Variants in KIFAP3 observed in about 807,000 individuals in gnomAD.
The protein encoded by KIFAP3 is kinesin-associated protein 3.
In KIFAP3, 68 loss-of-function variants were observed where a neutral mutation model predicts 106.5. That is an observed-to-expected ratio of 0.64 (90% confidence interval 0.53 to 0.78). KIFAP3 has a LOEUF of 0.78. Ranked by LOEUF, KIFAP3 falls within the 30% of genes least tolerant of loss-of-function variation. The pLI is 0.00. For synonymous variants in KIFAP3, 320 were observed against 311.5 expected, an observed-to-expected ratio of 1.03 and a Z score of -0.29; for missense variants, 780 against 941.8, an observed-to-expected ratio of 0.83 and a Z score of 2.25.
In KIFAP3 at chr1:170,046,827, A is replaced by G; in HGVS notation, c.204T>C (p.Thr68=). 1 of 1,610,432 alleles carries G rather than the reference A, an allele frequency of 6.2e-7. No individual in the cohort carries two copies. Among genetic ancestry groups the G allele is most frequent in the African/African-American group, 1.3e-5 (1 of 74,896 alleles). Residue 68 remains threonine (T), a synonymous_variant, in exon 3 of 20, where the codon ACT becomes ACC. Coordinates refer to ENST00000361580, the MANE Select transcript of KIFAP3 (RefSeq NM_014970.4). ...LKSLNANTDI[T]SLARKVVEEC... ...CTTCAACCACCTTCCTTGCCAGGGA[A>G]GTTATATCTGTGTTGGCATTGAGAC...
rs552354861 is a variant in KIFAP3, at chr1:170,065,509, G to A, written c.32+8927C>T. Among the ~76,000 whole-genome samples, 184 of 151,206 alleles carry A rather than the reference G, an allele frequency of 1.2e-3. 1 individual carries two copies. The highest frequency in any genetic ancestry group is 2.3e-3 in the Non-Finnish European group (156 of 67,844). On this transcript the variant is annotated intron_variant, in intron 1 of 19. Transcript: ENST00000361580. Reference sequence around the variant, plus strand: ...GGCACCTGTAGTCCCAGCTACTTGGGAGGCTGAGGCAGGAGAATGGCGTGA... The same window carrying A: ...GGCACCTGTAGTCCCAGCTACTTGGAAGGCTGAGGCAGGAGAATGGCGTGA...
chr1:169,991,618 T>TA (rs1667111642), intron 11 of KIFAP3, among the ~76,000 whole-genome samples: 1 of 152,182 alleles, frequency 6.6e-6, no homozygotes, highest in African/African-American at 2.4e-5. Flanking sequence ...TCTTTTGACT[T>TA]AGCTATCCTA....
At chr1:169,936,974 T>TATAG (rs1246079502) in intron 19 of KIFAP3, among the ~76,000 whole-genome samples, 1 of 148,828 alleles carries the variant, frequency 6.7e-6, no homozygotes, top group African/African-American at 2.4e-5. Flanking sequence ...TATATATATA[T>TATAG]ATTACTCAAC....
At chr1:170,052,351 A>T (rs931161458) in intron 2 of KIFAP3, among the ~76,000 whole-genome samples, 2 of 152,212 alleles carry the variant, frequency 1.3e-5, no homozygotes, top group African/African-American at 2.4e-5. Context: ...TTAATAGCTT[A>T]CCAACCAAAA....
chr1:170,053,811 C>T (rs1337150814), intron 2 of KIFAP3, among the ~76,000 whole-genome samples: 4 of 152,082 alleles, frequency 2.6e-5, no homozygotes, highest in Admixed American at 2.0e-4. Flanking sequence ...AGAAACTGGA[C>T]CCCTTCCTTA....
intron 1 of KIFAP3, among the ~76,000 whole-genome samples, chr1:170,062,258 CAA>C (rs77586019): frequency 7.4e-6 from 1 of 134,406 alleles, no homozygotes; most frequent in Non-Finnish European, 1.6e-5. Context: ...GGTTAAAGGG[CAA>C]AAAAAAAAAC....
chr1:169,996,316 A>G (rs1348476097), intron 10 of KIFAP3, among the ~76,000 whole-genome samples: 2 of 152,152 alleles, frequency 1.3e-5, no homozygotes, highest in Admixed American at 1.3e-4. Flanking sequence ...AATGATCATC[A>G]TATCCAAAAG....
chr1:169,978,005 C>CAA (rs11396984), intron 16 of KIFAP3, 80 bp downstream of exon 16: 64,052 of 594,268 alleles, frequency 0.11, 84 homozygotes, highest in East Asian at 0.14. Context: ...TCAACATTTG[C>CAA]AAAAAAAAAA....
At chr1:170,023,162 T>C (rs1668938955) in intron 9 of KIFAP3, among the ~76,000 whole-genome samples, 1 of 151,898 alleles carries the variant, frequency 6.6e-6, no homozygotes, top group South Asian at 2.1e-4. Flanking sequence ...CAAAATAATA[T>C]CAGGCACATC....
At chr1:170,022,211 A>C (rs1262995149) in intron 9 of KIFAP3, among the ~76,000 whole-genome samples, 1 of 151,836 alleles carries the variant, frequency 6.6e-6, no homozygotes, top group Non-Finnish European at 1.5e-5. Flanking sequence ...GGCCTCCCAA[A>C]GTTCTGGGAT....
At chr1:169,973,421 T>A (rs1488742295) in intron 16 of KIFAP3, among the ~76,000 whole-genome samples, 4 of 120,038 alleles carry the variant, frequency 3.3e-5, no homozygotes, top group Admixed American at 1.9e-4. Flanking sequence ...CTAAAAACTA[T>A]AATTCAAGAA....
chr1:169,933,797 C>A (rs1180332268), intron 19 of KIFAP3, among the ~76,000 whole-genome samples: 1 of 152,030 alleles, frequency 6.6e-6, no homozygotes, highest in Non-Finnish European at 1.5e-5. Flanking sequence ...AACTTAAGTA[C>A]AAACTATGAA....
intron 3 of KIFAP3, chr1:170,041,546 G>T: frequency 1.6e-6 from 1 of 614,876 alleles, no homozygotes; most frequent in Admixed American, 2.7e-5. Flanking sequence ...GATACCCCTC[G>T]TAGGCATCTG....
intron 9 of KIFAP3, among the ~76,000 whole-genome samples, chr1:170,020,206 G>A (rs1434488036): frequency 6.6e-6 from 1 of 152,054 alleles, no homozygotes; most frequent in African/African-American, 2.4e-5. Context: ...AATCCAATAT[G>A]GTCAATATAT....
At chr1:169,969,719 C>T (rs1197548531) in intron 17 of KIFAP3, among the ~76,000 whole-genome samples, 1 of 151,958 alleles carries the variant, frequency 6.6e-6, no homozygotes, top group African/African-American at 2.4e-5. Context: ...TATCCCTTTT[C>T]CTGTAAACAC....
At chr1:169,983,975 A>G (rs1053036442) in intron 12 of KIFAP3, among the ~76,000 whole-genome samples, 2 of 151,992 alleles carry the variant, frequency 1.3e-5, no homozygotes, top group East Asian at 1.9e-4. Flanking sequence ...ACTTAATCAC[A>G]TAAAATATTA....
chr1:170,068,040 T>C (rs1671531808), intron 1 of KIFAP3: 1 of 152,214 alleles, frequency 6.6e-6, no homozygotes, highest in Non-Finnish European at 1.5e-5. Context: ...CCTGGCTAAG[T>C]GTTGAAGCCA....
chr1:170,027,915 AG>A (rs1480519267), intron 8 of KIFAP3, among the ~76,000 whole-genome samples: 2 of 152,144 alleles, frequency 1.3e-5, no homozygotes, highest in African/African-American at 4.8e-5. Flanking sequence ...TCCAAGAAAA[AG>A]AGACCTTATA....
At chr1:170,037,563 C>T (rs1052066284) in intron 5 of KIFAP3, among the ~76,000 whole-genome samples, 1 of 150,368 alleles carries the variant, frequency 6.7e-6, no homozygotes, top group Non-Finnish European at 1.5e-5. Flanking sequence ...AACCCTGTCT[C>T]TACTAAAAAA....
Sources: gnomAD v4.1 joint callset for allele counts (sites outside exome capture counted in the v4.1 genomes callset) on GRCh38, gnomAD v4.1.1 for gene constraint, MANE v1.5 for transcripts, NCBI Gene and HGNC (gene_info 2026-07-23, HGNC 2026-07-21) for gene names.